NEK4: variants seen among roughly 807,000 people sequenced by gnomAD.
NEK4 encodes serine/threonine-protein kinase Nek4.
In NEK4, 86 loss-of-function variants were observed where a neutral mutation model predicts 98.4. The observed-to-expected ratio is 0.87, with a 90% CI of 0.73 to 1.05. NEK4 has a LOEUF of 1.05. NEK4 is among the 50% of genes least tolerant of loss of function. NEK4 has a pLI of 0.00. For synonymous variants in NEK4, 328 were observed against 342.2 expected, an observed-to-expected ratio of 0.96 and a Z score of 0.46; for missense variants, 898 against 950.3, an observed-to-expected ratio of 0.94 and a Z score of 0.72.
At chr3:52,743,862 C>T (rs1006381799) in intron 11 of NEK4, among the ~76,000 whole-genome samples, 3 of 152,272 alleles carry the variant, frequency 2.0e-5, no homozygotes, top group East Asian at 1.9e-4. Flanking sequence ...CCTCAGCCTA[C>T]GGCAGCACCA....
intron 13 of NEK4, among the ~76,000 whole-genome samples, chr3:52,740,615 T>C (rs1578654995): frequency 2.0e-5 from 3 of 150,872 alleles, no homozygotes. Flanking sequence ...CTTGCCAATA[T>C]GGTGAAACCC....
chr3:52,768,523 G>A lies in NEK4; in HGVS notation c.175C>T (p.Gln59Ter). ...AAEQEAQLLS[Q>*]LKHPNIVTYK... ...GTGACAATGTTGGGATGCTTCAACT[G>A]AGACAAGAGCTGGGCTTCCTGTTCA... Residue 59 changes from glutamine (Q) to a stop codon, truncating the protein, a stop_gained, in exon 2 of 16, where the codon CAG becomes TAG. Transcript: ENST00000233027. LOFTEE classifies it high-confidence loss of function. The A allele has an allele frequency of 6.2e-7, 1 of 1,614,194 alleles. No individual in the cohort carries two copies.
At chr3:52,738,898 A>G (rs537086512) in intron 14 of NEK4, among the ~76,000 whole-genome samples, 2 of 152,374 alleles carry the variant, frequency 1.3e-5, no homozygotes, top group South Asian at 4.1e-4. Flanking sequence ...GAAAAGTCAC[A>G]TGAAAAACCA....
rs545019249 is a variant in NEK4, at chr3:52,763,494, G to A, written c.797C>T (p.Ser266Phe). Residue 266 changes from serine (S) to phenylalanine (F), a missense_variant, in exon 5 of 16, where the codon TCC (serine) becomes TTC (phenylalanine). Coordinates refer to ENST00000233027, the MANE Select transcript of NEK4 (RefSeq NM_003157.6). ...CATCTTTGTGGCCTCCAAAAAGAAG[G>A]AGATTTGCCGCTTTATATAAGGCTG... ...LRQPYIKRQI[S>F]FFLEATKIKT... The A allele has an allele frequency of 6.8e-6, 11 of 1,613,126 alleles. No individual in the cohort carries two copies. In the South Asian group the frequency reaches 1.2e-4, roughly 18 times the overall value.
chr3:52,719,560 G>A (rs2097358270), intron 15 of NEK4, among the ~76,000 whole-genome samples: 1 of 149,154 alleles, frequency 6.7e-6, no homozygotes, highest in Admixed American at 6.7e-5. Flanking sequence ...TCCAGCCTGG[G>A]TGACAGAGTG....
At chr3:52,724,496 C>T (rs528313842) in intron 15 of NEK4, among the ~76,000 whole-genome samples, 1 of 152,218 alleles carries the variant, frequency 6.6e-6, no homozygotes, top group South Asian at 2.1e-4. Flanking sequence ...CCAGATAAAT[C>T]TGATTAACAC....
intron 5 of NEK4, among the ~76,000 whole-genome samples, chr3:52,762,904 T>G (rs1040538314): frequency 2.6e-5 from 4 of 151,850 alleles, no homozygotes; most frequent in African/African-American, 7.3e-5. Flanking sequence ...CAAAAAAAAG[T>G]AAGTGCAAGA....
intron 14 of NEK4, among the ~76,000 whole-genome samples, chr3:52,738,570 C>T (rs2097380304): frequency 6.6e-6 from 1 of 152,080 alleles, no homozygotes; most frequent in South Asian, 2.1e-4. Flanking sequence ...CTTACCTCAG[C>T]CGCCTGAGTA....
chr3:52,742,816 G>C (rs1374438918), intron 12 of NEK4, among the ~76,000 whole-genome samples: 1 of 152,144 alleles, frequency 6.6e-6, no homozygotes, highest in Non-Finnish European at 1.5e-5. Flanking sequence ...TTGAGACAGA[G>C]TCTTGCTCTG....
At chr3:52,718,834 C>T (rs2097357570) in intron 15 of NEK4, among the ~76,000 whole-genome samples, 2 of 152,174 alleles carry the variant, frequency 1.3e-5, no homozygotes, top group South Asian at 4.1e-4. Flanking sequence ...GCTCACCGAC[C>T]GTGACTTCCG....
intron 15 of NEK4, among the ~76,000 whole-genome samples, chr3:52,731,057 A>G (rs2097369161): frequency 6.6e-6 from 1 of 152,238 alleles, no homozygotes; most frequent in African/African-American, 2.4e-5. Context: ...ATTTTATTAC[A>G]ATTTAAAAAA....
chr3:52,742,364 C>A (rs1243408406), intron 12 of NEK4, among the ~76,000 whole-genome samples: 4 of 151,922 alleles, frequency 2.6e-5, no homozygotes, highest in Non-Finnish European at 2.9e-5. Flanking sequence ...AGCCACCATG[C>A]CCAGCTTCAG....
At chr3:52,754,748 C>A (rs976556030) in intron 6 of NEK4, 15 of 422,468 alleles carry the variant, frequency 3.6e-5, no homozygotes, top group Non-Finnish European at 4.3e-5. Context: ...TGGACTAGTT[C>A]AAGCTGACCA....
rs71615867 is a variant in NEK4, at chr3:52,725,531, CA to C, written c.2433+12054del. On this transcript the variant is annotated intron_variant, in intron 15 of 15. Transcript: ENST00000233027. ...CTCTGTCTCAAAAAACAAAACAAAA[CA>C]AAAAAAAAACATATAATGTACAAAG... is the stretch of plus-strand genomic sequence containing the variant. Among the ~76,000 whole-genome samples, 160 of 144,648 alleles carry C rather than the reference CA, an allele frequency of 1.1e-3. 1 individual carries two copies. The East Asian group carries it at 0.027, about 25-fold the overall frequency. The allele number at this position is 144,648 out of a possible 152,430, so 94.9% of individuals were successfully genotyped here. A position where few individuals can be genotyped will look rare whatever the true frequency, so the allele number is the denominator to read the frequency against.
chr3:52,739,550 A>G lies in NEK4; in HGVS notation c.2178T>C (p.Asp726=). 1 of 1,614,174 alleles carries G rather than the reference A, an allele frequency of 6.2e-7. No homozygotes were observed. Among genetic ancestry groups the G allele is most frequent in the Non-Finnish European group, 8.5e-7 (1 of 1,180,004 alleles). Residue 726 remains aspartate (D), a synonymous_variant, in exon 14 of 16, where the codon GAT becomes GAC. Coordinates refer to ENST00000233027, the MANE Select transcript of NEK4 (RefSeq NM_003157.6). The part of the protein sequence containing the change: ...LKLDSKESCE[D]VPVANPVSEF... ...CTGACACTGGGTTTGCTACCGGGAC[A>G]TCTTCACAGCTCTCTTTAGAATCCA...
intron 15 of NEK4, among the ~76,000 whole-genome samples, chr3:52,716,222 G>C (rs1578615449): frequency 6.6e-6 from 1 of 152,332 alleles, no homozygotes; most frequent in South Asian, 2.1e-4. Context: ...GCCATGGACA[G>C]AACAAGCCCA....
intron 1 of NEK4, among the ~76,000 whole-genome samples, chr3:52,769,329 T>A (rs1431217440): frequency 6.6e-6 from 1 of 152,196 alleles, no homozygotes; most frequent in Non-Finnish European, 1.5e-5. Context: ...AGTCTGTGGA[T>A]TACGTTAGAT....
chr3:52,735,987 T>C (rs1314196002), intron 15 of NEK4, among the ~76,000 whole-genome samples: 5 of 152,186 alleles, frequency 3.3e-5, no homozygotes, highest in African/African-American at 4.8e-5. Context: ...ACAAGGATGG[T>C]TGCTGATGTA....
chr3:52,757,690 A>C (rs1451847077), intron 6 of NEK4, among the ~76,000 whole-genome samples: 2 of 152,268 alleles, frequency 1.3e-5, no homozygotes, highest in Non-Finnish European at 2.9e-5. Context: ...TGAACCAGAT[A>C]AACAAAACGT....
Sources: allele counts gnomAD v4.1 joint callset (sites outside exome capture counted in the v4.1 genomes callset), GRCh38; gene constraint gnomAD v4.1.1; transcripts MANE v1.5; gene names NCBI Gene and HGNC (gene_info 2026-07-23, HGNC 2026-07-21).